TNR: variants seen among roughly 807,000 people sequenced by gnomAD.
TNR encodes tenascin-R.
A neutral mutation model predicts 150.4 loss-of-function variants in TNR; 45 were observed. The ratio of observed to expected loss-of-function variants is 0.30; its 90% CI spans 0.24 to 0.38. The LOEUF (loss-of-function observed/expected upper bound fraction) is 0.38, where lower values mean the gene tolerates loss of function less well. Ranked by LOEUF, TNR falls within the 10% of genes least tolerant of loss-of-function variation. The pLI, the probability that TNR is intolerant of heterozygous loss-of-function variation, is 1.00. For missense variants in TNR, 1,544 were observed against 1,759.1 expected, an observed-to-expected ratio of 0.88 and a Z score of 2.19; for synonymous variants, 687 against 678.4, an observed-to-expected ratio of 1.01 and a Z score of -0.20.
chr1:175,423,376 T>C (rs890270977), intron 2 of TNR, among the ~76,000 whole-genome samples: 3 of 152,084 alleles, frequency 2.0e-5, no homozygotes, highest in Non-Finnish European at 4.4e-5. Context: ...CTGAGCAGAA[T>C]TGAGGATGCT....
At chr1:175,429,160 T>C (rs1655145431) in intron 2 of TNR, among the ~76,000 whole-genome samples, 1 of 152,194 alleles carries the variant, frequency 6.6e-6, no homozygotes, top group Admixed American at 6.5e-5. Flanking sequence ...AAGGGGTTCC[T>C]TGTGTCAAAT....
chr1:175,331,058 T>TTTCCTTCC (rs1553203362), intron 20 of TNR, among the ~76,000 whole-genome samples: 5 of 116,276 alleles, frequency 4.3e-5, no homozygotes, highest in African/African-American at 1.8e-4. Flanking sequence ...TCTTTCTTTC[T>TTTCCTTCC]TTCTTTCTTT....
At chr1:175,351,580 T>C (rs1651053942) in intron 18 of TNR, among the ~76,000 whole-genome samples, 1 of 152,204 alleles carries the variant, frequency 6.6e-6, no homozygotes, top group Non-Finnish European at 1.5e-5. Context: ...ATTTAACCAG[T>C]GTCTATTATG....
At chr1:175,726,173 C>A (rs986405576) in intron 1 of TNR, among the ~76,000 whole-genome samples, 8 of 152,094 alleles carry the variant, frequency 5.3e-5, no homozygotes, top group African/African-American at 1.9e-4. Context: ...TACCAGTCCT[C>A]AAGAACATCT....
At chr1:175,486,757 C>A (rs1658034268) in intron 2 of TNR, among the ~76,000 whole-genome samples, 1 of 152,214 alleles carries the variant, frequency 6.6e-6, no homozygotes, top group Admixed American at 6.5e-5. Context: ...AAAAGCTTTC[C>A]TATTTCTCCA....
chr1:175,497,487 C>T (rs934953176), intron 2 of TNR, among the ~76,000 whole-genome samples: 13 of 152,168 alleles, frequency 8.5e-5, no homozygotes, highest in Non-Finnish European at 1.5e-4. Flanking sequence ...TTGGATAAAC[C>T]GATATCTGCT....
At chr1:175,415,517 C>T (rs922186258) in intron 2 of TNR, among the ~76,000 whole-genome samples, 7 of 152,250 alleles carry the variant, frequency 4.6e-5, no homozygotes, top group Non-Finnish European at 1.0e-4. Context: ...CGCCCCTGAC[C>T]ACGTGCTGTT....
rs1255062986 is a variant in TNR, at chr1:175,471,279, G to T, written c.-64+56990C>A. ...ATTTGGGATCCTTGACAGAGCCAGTGATCACGTCAGTCTGTACTTGTTACA... is the reference window on the plus strand; with the variant it reads ...ATTTGGGATCCTTGACAGAGCCAGTTATCACGTCAGTCTGTACTTGTTACA... On this transcript the variant is annotated intron_variant, in intron 2 of 22. Coordinates refer to ENST00000367674, the MANE Select transcript of TNR (RefSeq NM_003285.3). Among the ~76,000 whole-genome samples, 3 of 152,276 alleles carry T rather than the reference G, an allele frequency of 2.0e-5. No homozygotes were observed. In the East Asian group the frequency reaches 5.8e-4, roughly 29 times the overall value.
In TNR at chr1:175,356,447, A is replaced by G. The variant is rs753820758; in HGVS notation, c.2990T>C (p.Ile997Thr). 6.2e-7 allele frequency: 1 copy of G among 1,613,988 alleles called. No homozygotes were observed. Among genetic ancestry groups the G allele is most frequent in the East Asian group, 2.2e-5 (1 of 44,864 alleles). ...TTCCTCACTGACTCCGTCAACAAGG[A>G]TGGTCTCTCCAGCGACTGAACTCAA... ...LTHFAVAGET[I>T]LVDGVSEEFR... The change falls in exon 16 of 23, where the codon ATC becomes ACC. Residue 997 changes from isoleucine to threonine, a missense_variant. By Grantham distance (89) the Ile-to-Thr change is moderately conservative. This residue lies in a region of TNR where 1,254 missense variants were observed against 1,329.4 expected (regional missense o/e 0.94). Coordinates refer to ENST00000367674, the MANE Select transcript of TNR (RefSeq NM_003285.3).
intron 5 of TNR, 51 bp downstream of exon 5, chr1:175,396,493 T>C: frequency 6.3e-7 from 1 of 1,584,112 alleles, no homozygotes; most frequent in South Asian, 1.1e-5. Context: ...ATGCCCATGA[T>C]CTCATGTAGG....
intron 1 of TNR, among the ~76,000 whole-genome samples, chr1:175,723,143 TAAAC>T (rs1372106315): frequency 6.6e-6 from 1 of 151,616 alleles, no homozygotes; most frequent in Non-Finnish European, 1.5e-5. Context: ...ATTGGATAGA[TAAAC>T]AAAGAGATAC....
At chr1:175,417,027 G>T (rs181167683) in intron 2 of TNR, among the ~76,000 whole-genome samples, 1 of 94,660 alleles carries the variant, frequency 1.1e-5, no homozygotes. Context: ...AAGAAAGAAA[G>T]AAAGAAAGAA....
intron 1 of TNR, among the ~76,000 whole-genome samples, chr1:175,697,536 C>T (rs112449355): frequency 1.3e-5 from 2 of 152,330 alleles, no homozygotes; most frequent in East Asian, 3.9e-4. Context: ...CCCAGCCCCC[C>T]ACAGGTTGAC....
chr1:175,560,052 G>A (rs1571607962), intron 1 of TNR, among the ~76,000 whole-genome samples: 2 of 152,292 alleles, frequency 1.3e-5, no homozygotes, highest in East Asian at 1.9e-4. Flanking sequence ...CTTATACCTT[G>A]TAATCTGCCA....
At chr1:175,567,343 C>T (rs933311646) in intron 1 of TNR, among the ~76,000 whole-genome samples, 7 of 152,182 alleles carry the variant, frequency 4.6e-5, no homozygotes, top group African/African-American at 1.7e-4. Context: ...GTGCTGCGGG[C>T]TGATGGGCTA....
chr1:175,657,795 G>A (rs1421676782), intron 1 of TNR, among the ~76,000 whole-genome samples: 1 of 134,896 alleles, frequency 7.4e-6, no homozygotes, highest in Admixed American at 7.6e-5. Flanking sequence ...GATAGCATTA[G>A]GAGATATACC....
intron 1 of TNR, among the ~76,000 whole-genome samples, chr1:175,616,559 T>G (rs1399697857): frequency 6.6e-6 from 1 of 152,076 alleles, no homozygotes; most frequent in Non-Finnish European, 1.5e-5. Context: ...AAATCTCTTC[T>G]CTGGAAATCA....
At chr1:175,683,255 C>G (rs1228682423) in intron 1 of TNR, among the ~76,000 whole-genome samples, 2 of 152,122 alleles carry the variant, frequency 1.3e-5, no homozygotes, top group Non-Finnish European at 2.9e-5. Context: ...GATTAAAGAC[C>G]TCACGGAGAT....
At chr1:175,667,355 A>G (rs115489148) in intron 1 of TNR, among the ~76,000 whole-genome samples, 254 of 152,324 alleles carry the variant, frequency 1.7e-3, no homozygotes, top group Admixed American at 3.9e-3. Context: ...ACCCCAGCCC[A>G]CACCTAATGC....
Sources: allele counts gnomAD v4.1 joint callset (sites outside exome capture counted in the v4.1 genomes callset), GRCh38; gene constraint gnomAD v4.1.1; regional missense constraint gnomAD v4.1.1; transcripts MANE v1.5; gene names NCBI Gene and HGNC (gene_info 2026-07-23, HGNC 2026-07-21).